Variants in GLIS3 observed in about 807,000 individuals in gnomAD.
GLIS3 encodes the protein GLIS family zinc finger 3, also known as zinc finger protein GLIS3.
GLIS3 carries 53 observed loss-of-function variants against 78.6 expected under a neutral mutation model. That is an observed-to-expected ratio of 0.67 (90% CI 0.54 to 0.85). The LOEUF (loss-of-function observed/expected upper bound fraction) is 0.85. GLIS3 is among the 40% of genes least tolerant of loss of function. The pLI is 0.00. For synonymous variants in GLIS3, 684 were observed against 509.9 expected (o/e 1.34, Z -4.60); for missense variants, 1,703 against 1,231.1 (o/e 1.38, Z -5.74).
At position 3,879,370 on chromosome 9, in the gene GLIS3, C is replaced by G; in HGVS notation, c.2297+57G>C. 4.6e-6 allele frequency: 7 copies of G among 1,535,928 alleles called. No homozygotes were observed. In the South Asian group the frequency reaches 7.8e-5, roughly 17 times the overall value. On this transcript the variant is annotated intron_variant, in intron 8 of 10. Transcript: ENST00000381971. ...ATTCAGCAACTGTCAAGGCACTTGT[C>G]TGTGAAGGGAGGTTTGGCGGCGACA...
the GLIS3 span, among the ~76,000 whole-genome samples, chr9:4,353,610 T>A: frequency 1.3e-5 from 2 of 151,940 alleles, no homozygotes; most frequent in African/African-American, 4.8e-5. Context: ...TCTCAGCGGG[T>A]CCAAAGTCAA....
chr9:4,012,364 T>C (rs897715810), intron 4 of GLIS3, among the ~76,000 whole-genome samples: 14 of 152,228 alleles, frequency 9.2e-5, no homozygotes, highest in Non-Finnish European at 1.5e-4. Context: ...AGAACCAATA[T>C]AGAACATCTA....
At chr9:3,964,656 G>T (rs914528202) in intron 4 of GLIS3, among the ~76,000 whole-genome samples, 1 of 152,172 alleles carries the variant, frequency 6.6e-6, no homozygotes, top group African/African-American at 2.4e-5. Flanking sequence ...TACCTTGCCT[G>T]TCATGCTGGA....
At chr9:4,219,936 A>C (rs998790521) in intron 2 of GLIS3, among the ~76,000 whole-genome samples, 4 of 152,186 alleles carry the variant, frequency 2.6e-5, no homozygotes, top group Non-Finnish European at 5.9e-5. Context: ...CTGTCCACTA[A>C]AAGTAACCAC....
chr9:4,153,592 A>T (rs111872731), intron 2 of GLIS3, among the ~76,000 whole-genome samples: 1 of 152,212 alleles, frequency 6.6e-6, no homozygotes, highest in South Asian at 2.1e-4. Flanking sequence ...GGAACACAGA[A>T]GGAAGACTAA....
chr9:4,094,562 G>C (rs1042207629), intron 4 of GLIS3, among the ~76,000 whole-genome samples: 1 of 152,086 alleles, frequency 6.6e-6, no homozygotes, highest in East Asian at 1.9e-4. Context: ...TTACTACCAT[G>C]GCAAATACAA....
the GLIS3 span, among the ~76,000 whole-genome samples, chr9:4,367,633 C>CAAAAAAA: frequency 1.6e-4 from 10 of 61,990 alleles, 1 homozygote; most frequent in Non-Finnish European, 2.2e-4. Flanking sequence ...GACTCCATCT[C>CAAAAAAA]AAAAAAAAAA....
chr9:4,154,030 T>G (rs1834874965), intron 2 of GLIS3, among the ~76,000 whole-genome samples: 1 of 152,180 alleles, frequency 6.6e-6, no homozygotes, highest in Non-Finnish European at 1.5e-5. Context: ...GGCTATCAGC[T>G]AGGAGCTACG....
At chr9:4,020,974 T>C (rs1015867988) in intron 4 of GLIS3, among the ~76,000 whole-genome samples, 3 of 152,190 alleles carry the variant, frequency 2.0e-5, no homozygotes, top group Non-Finnish European at 4.4e-5. Flanking sequence ...GAGAAAGTAG[T>C]CGGTCTTAGG....
At chr9:4,441,814 C>T in the GLIS3 span, among the ~76,000 whole-genome samples, 1 of 152,130 alleles carries the variant, frequency 6.6e-6, no homozygotes, top group Non-Finnish European at 1.5e-5. Flanking sequence ...GCCATTTGCC[C>T]AGGCTGTTCT....
chr9:3,964,000 C>T (rs1490785313), intron 4 of GLIS3, among the ~76,000 whole-genome samples: 4 of 152,170 alleles, frequency 2.6e-5, no homozygotes, highest in South Asian at 4.2e-4. Flanking sequence ...TGCTGCCATG[C>T]ATGTTCTGAG....
intron 2 of GLIS3, among the ~76,000 whole-genome samples, chr9:4,221,189 ACT>A (rs1239961215): frequency 1.3e-5 from 2 of 152,130 alleles, no homozygotes; most frequent in East Asian, 3.9e-4. Context: ...ATAGGTAAAA[ACT>A]CTTGTCATTT....
intron 1 of GLIS3, among the ~76,000 whole-genome samples, chr9:4,295,678 T>C (rs1816417475): frequency 6.6e-6 from 1 of 152,218 alleles, no homozygotes; most frequent in African/African-American, 2.4e-5. Context: ...TAATGCTCTG[T>C]TTCTTGATCT....
chr9:3,936,617 A>T (rs1174517273), intron 5 of GLIS3, among the ~76,000 whole-genome samples: 1 of 152,168 alleles, frequency 6.6e-6, no homozygotes, highest in African/African-American at 2.4e-5. Flanking sequence ...GGGTAGAAAA[A>T]AAAAACAAAG....
At chr9:4,273,804 C>G (rs1437910429) in intron 2 of GLIS3, among the ~76,000 whole-genome samples, 1 of 152,046 alleles carries the variant, frequency 6.6e-6, no homozygotes, top group African/African-American at 2.4e-5. Context: ...ACCCAAGATC[C>G]CCAATCTCTT....
At chr9:4,388,734 T>C in the GLIS3 span, among the ~76,000 whole-genome samples, 1 of 152,018 alleles carries the variant, frequency 6.6e-6, no homozygotes. Flanking sequence ...CCAGAATTCA[T>C]AGTACAATAT....
At chr9:4,175,261 AAT>A (rs1479663782) in intron 2 of GLIS3, among the ~76,000 whole-genome samples, 1 of 152,212 alleles carries the variant, frequency 6.6e-6, no homozygotes, top group Non-Finnish European at 1.5e-5. Context: ...ATCTGTTGAT[AAT>A]GTTATTTTGT....
At position 4,124,785 on chromosome 9, in the gene GLIS3, G is replaced by T. The variant is rs189075581; in HGVS notation, c.596+949C>A. On this transcript the variant is annotated intron_variant, in intron 3 of 10. Coordinates refer to ENST00000381971, the MANE Select transcript of GLIS3 (RefSeq NM_001042413.2). ...CCTCAGAACTGCAAGGCACATAGCA[G>T]GTTACAGATCCTAAAGAAGAGGAAG... is the stretch of plus-strand genomic sequence containing the variant. Among the ~76,000 whole-genome samples the T allele has an allele frequency of 1.5e-4, 23 of 152,270 alleles. No individual in the cohort carries two copies. In the East Asian group the frequency reaches 2.3e-3, roughly 15 times the overall value.
chr9:4,069,563 C>T (rs1301727754), intron 4 of GLIS3, among the ~76,000 whole-genome samples: 1 of 152,202 alleles, frequency 6.6e-6, no homozygotes, highest in Non-Finnish European at 1.5e-5. Context: ...TTTAACTTAT[C>T]TGTCAAATAC....
Sources: allele counts gnomAD v4.1 joint callset (sites outside exome capture counted in the v4.1 genomes callset), GRCh38; gene constraint gnomAD v4.1.1; transcripts MANE v1.5; gene names NCBI Gene and HGNC (gene_info 2026-07-23, HGNC 2026-07-21).